Variants in CNNM2 observed in about 807,000 individuals in gnomAD.
The protein encoded by CNNM2 is metal transporter CNNM2.
In CNNM2, 12 loss-of-function variants were observed where a neutral mutation model predicts 66.9. The ratio of observed to expected loss-of-function variants is 0.18; its 90% CI spans 0.11 to 0.29. CNNM2 has a LOEUF of 0.29. Among genes scored for constraint, CNNM2 ranks in the 10% least tolerant of loss-of-function variants. CNNM2 has a pLI of 1.00. For missense variants in CNNM2, 705 were observed against 1,167.7 expected, an observed-to-expected ratio of 0.60 and a Z score of 5.77; for synonymous variants, 557 against 501.8, an observed-to-expected ratio of 1.11 and a Z score of -1.47.
chr10:102,989,369 T>G (rs1590356491), intron 1 of CNNM2, among the ~76,000 whole-genome samples: 2 of 152,332 alleles, frequency 1.3e-5, no homozygotes, highest in Middle Eastern at 6.8e-3. Flanking sequence ...TTATTTTATT[T>G]TTTTCATTCT....
At chr10:103,032,647 C>G (rs1440993895) in intron 1 of CNNM2, among the ~76,000 whole-genome samples, 2 of 140,034 alleles carry the variant, frequency 1.4e-5, no homozygotes, top group Non-Finnish European at 3.0e-5. Flanking sequence ...CCTTTCATAA[C>G]AATTGATGTA....
At chr10:102,922,831 C>T (rs1268770340) in intron 1 of CNNM2, among the ~76,000 whole-genome samples, 1 of 151,216 alleles carries the variant, frequency 6.6e-6, no homozygotes, top group African/African-American at 2.4e-5. Flanking sequence ...GTCCCAGCTC[C>T]TTGGGAGGCC....
At chr10:102,929,889 C>G (rs1846008315) in intron 1 of CNNM2, among the ~76,000 whole-genome samples, 1 of 152,234 alleles carries the variant, frequency 6.6e-6, no homozygotes, top group East Asian at 1.9e-4. Context: ...TATTTTAACA[C>G]TGATTGCATA....
Position 103,067,160 on chromosome 10 carries a change from G to A in CNNM2, c.2074-1469G>A, listed in dbSNP as rs149017417. 3.3e-5 allele frequency among the ~76,000 whole-genome samples: 5 copies of A among 150,574 alleles called. No individual in the cohort carries two copies. The South Asian group carries it at 6.3e-4, about 19-fold the overall frequency. Reference sequence around the variant, plus strand: ...GTGGCCTGGGCTGGAGTGCAGTGGCGTGATCATGGCTCACTGCCTCACAGG... The same window carrying A: ...GTGGCCTGGGCTGGAGTGCAGTGGCATGATCATGGCTCACTGCCTCACAGG... On this transcript the variant is annotated intron_variant, in intron 4 of 7. Coordinates refer to ENST00000369878, the MANE Select transcript of CNNM2 (RefSeq NM_017649.5).
chr10:102,947,114 C>G (rs565839901), intron 1 of CNNM2, among the ~76,000 whole-genome samples: 1 of 152,172 alleles, frequency 6.6e-6, no homozygotes, highest in African/African-American at 2.4e-5. Flanking sequence ...GTTACTAACC[C>G]CACTGCCATA....
intron 1 of CNNM2, among the ~76,000 whole-genome samples, chr10:102,981,845 G>A (rs1033376880): frequency 1.3e-5 from 2 of 151,516 alleles, no homozygotes; most frequent in East Asian, 1.9e-4. Flanking sequence ...TGCTGATCTC[G>A]AGGGTTGGCC....
Position 103,068,084 on chromosome 10 carries a change from C to T in CNNM2, c.2074-545C>T, listed in dbSNP as rs572656303. 5.4e-4 allele frequency among the ~76,000 whole-genome samples: 82 copies of T among 152,320 alleles called. 1 individual carries two copies. Among genetic ancestry groups the T allele is most frequent in the African/African-American group, 1.7e-3 (72 of 41,568 alleles). On this transcript the variant is annotated intron_variant, in intron 4 of 7. Transcript: ENST00000369878. Reference sequence around the variant, plus strand: ...CTCCTTGGACAGCCTAGGCAGCCATCGCCCAGCATCATCTTGGTGCTGGTC... The same window carrying T: ...CTCCTTGGACAGCCTAGGCAGCCATTGCCCAGCATCATCTTGGTGCTGGTC...
At chr10:103,075,135 G>A (rs1460322991) in intron 6 of CNNM2, among the ~76,000 whole-genome samples, 2 of 152,334 alleles carry the variant, frequency 1.3e-5, no homozygotes, top group African/African-American at 4.8e-5. Context: ...CCGAAGGGCA[G>A]GTGCAGCCAA....
intron 1 of CNNM2, among the ~76,000 whole-genome samples, chr10:102,944,856 T>G (rs1296934654): frequency 2.0e-5 from 3 of 152,182 alleles, no homozygotes; most frequent in Non-Finnish European, 4.4e-5. Context: ...CCTTTGCCTT[T>G]TTTTCTTTCA....
At chr10:102,984,981 A>G (rs1428929257) in intron 1 of CNNM2, among the ~76,000 whole-genome samples, 2 of 152,208 alleles carry the variant, frequency 1.3e-5, no homozygotes, top group Non-Finnish European at 2.9e-5. Flanking sequence ...TGTTAAGGAC[A>G]GAAAAAAAGA....
Position 103,084,976 on chromosome 10 carries a change from TGTCATTTTCCCTCCAAGG to T in CNNM2, c.*7798_*7815del, listed in dbSNP as rs2065790267. Reference sequence around the variant, plus strand: ...TTTTGCTTTCTTTGTATGGTGGTTTTGTCATTTTCCCTCCAAGGGCCTCATATCTGTGCTCTTATTTTC... The same window carrying T: ...TTTTGCTTTCTTTGTATGGTGGTTTTGCCTCATATCTGTGCTCTTATTTTC... On this transcript the variant is annotated 3_prime_UTR_variant, in exon 8 of 8. Coordinates refer to ENST00000369878, the MANE Select transcript of CNNM2 (RefSeq NM_017649.5). The T allele has an allele frequency of 6.6e-6, 1 of 152,210 alleles. No homozygotes were observed. The highest frequency in any genetic ancestry group is 1.5e-5 in the Non-Finnish European group (1 of 68,050). 9.4% of individuals were successfully genotyped at this position (152,210 alleles called of 1,614,324 possible).
rs185800777 is a variant in CNNM2 at position 102,968,068 on chromosome 10, T to C, written c.1621+47967T>C. On this transcript the variant is annotated intron_variant, in intron 1 of 7. Transcript: ENST00000369878. The stretch of plus-strand genomic sequence containing the variant: ...CTTTGTGTGGACATGTTTTCATTTC[T>C]CTTGTGGAGATACTTAAGAGTGAAG... 6.1e-3 allele frequency among the ~76,000 whole-genome samples: 933 copies of C among 152,268 alleles called. 8 individuals carry two copies. Among genetic ancestry groups the C allele is most frequent in the Non-Finnish European group, 7.6e-3 (515 of 68,028 alleles).
chr10:103,033,270 C>T (rs1406800406), intron 1 of CNNM2, among the ~76,000 whole-genome samples: 1 of 151,984 alleles, frequency 6.6e-6, no homozygotes, highest in African/African-American at 2.4e-5. Flanking sequence ...CTCACTGCAA[C>T]CTCCGCCTCC....
chr10:103,006,768 A>G (rs999037730), intron 1 of CNNM2, among the ~76,000 whole-genome samples: 10 of 152,108 alleles, frequency 6.6e-5, no homozygotes, highest in African/African-American at 2.4e-4. Flanking sequence ...CTGGGATTAC[A>G]GGTGCACACC....
intron 1 of CNNM2, among the ~76,000 whole-genome samples, chr10:102,937,190 A>G (rs1446116304): frequency 2.0e-5 from 3 of 152,168 alleles, no homozygotes; most frequent in Non-Finnish European, 2.9e-5. Flanking sequence ...GTTTGTTTAG[A>G]TTTGTATGTA....
intron 6 of CNNM2, among the ~76,000 whole-genome samples, chr10:103,073,884 AAAAAAAAAAAG>A (rs1182394212): frequency 8.6e-5 from 13 of 151,510 alleles, no homozygotes; most frequent in Non-Finnish European, 1.8e-4. Flanking sequence ...AAAAAAAAAA[AAAAAAAAAAAG>A]AATAGAAAAT....
At position 103,090,070 on chromosome 10, in the gene CNNM2, C is replaced by T; in HGVS notation, c.*12890C>T. ...ATCTTCATAGAACTACTTATAGTTGCCTGTCTTCCTCTCTCCCTGCCCCTC... is the reference window on the plus strand; with the variant it reads ...ATCTTCATAGAACTACTTATAGTTGTCTGTCTTCCTCTCTCCCTGCCCCTC... On this transcript the variant is annotated 3_prime_UTR_variant, in exon 8 of 8. Transcript: ENST00000369878. The T allele has an allele frequency of 1.9e-6, 1 of 516,502 alleles. No homozygotes were observed. The highest frequency in any genetic ancestry group is 3.3e-6 in the Non-Finnish European group (1 of 302,756). 32.0% of individuals were successfully genotyped at this position (516,502 alleles called of 1,614,324 possible).
Position 102,973,098 on chromosome 10 carries a change from T to C in CNNM2, c.1621+52997T>C, listed in dbSNP as rs529699358. 3.9e-5 allele frequency among the ~76,000 whole-genome samples: 6 copies of C among 152,278 alleles called. No individual in the cohort carries two copies. In the South Asian group the frequency reaches 1.2e-3, roughly 32 times the overall value. ...TCAACTTGGAGAAGTTGGATAATTT[T>C]TTATCTTTCATTTTTGTATCTAAAG... On this transcript the variant is annotated intron_variant, in intron 1 of 7. Coordinates refer to ENST00000369878, the MANE Select transcript of CNNM2 (RefSeq NM_017649.5).
intron 1 of CNNM2, among the ~76,000 whole-genome samples, chr10:102,983,964 CG>C: frequency 6.6e-6 from 1 of 152,010 alleles, no homozygotes; most frequent in East Asian, 1.9e-4. Flanking sequence ...GGGGTTTGAT[CG>C]GGCTGGTCTC....
Sources: allele counts gnomAD v4.1 joint callset (sites outside exome capture counted in the v4.1 genomes callset), GRCh38; gene constraint gnomAD v4.1.1; transcripts MANE v1.5; gene names NCBI Gene and HGNC (gene_info 2026-07-23, HGNC 2026-07-21).